The following DNAH2 variants were observed in gnomAD, a reference collection of about 807,000 sequenced individuals.
DNAH2 encodes the protein axonemal beta dynein heavy chain 2.
DNAH2 carries 323 observed loss-of-function variants against 523.5 expected under a neutral mutation model. The observed-to-expected ratio is 0.62, with a 90% CI of 0.56 to 0.68. The LOEUF (loss-of-function observed/expected upper bound fraction) is 0.68, where lower values mean the gene tolerates loss of function less well. Ranked by LOEUF, DNAH2 falls within the 30% of genes least tolerant of loss-of-function variation. The pLI is 0.00. For synonymous variants in DNAH2, 2,093 were observed against 2,177.4 expected (o/e 0.96, Z 1.08); for missense variants, 4,907 against 5,701.5 (o/e 0.86, Z 4.49).
At chr17:7,719,591 G>T in intron 1 of DNAH2, 130 bp from the exon 2 acceptor site, 1 of 1,179,732 alleles carries the variant, frequency 8.5e-7, no homozygotes. Flanking sequence ...AGCAGGGTGT[G>T]GGTACCACCA....
At position 7,794,202 on chromosome 17, in the gene DNAH2, C is replaced by G. The variant is rs373114496; in HGVS notation, c.7570-52C>G. 5 of 1,423,154 alleles carry G rather than the reference C, an allele frequency of 3.5e-6. No individual in the cohort carries two copies. The African/African-American group carries it at 4.4e-5, about 12-fold the overall frequency. 88.2% of individuals were successfully genotyped at this position (1,423,154 alleles called of 1,614,324 possible). On this transcript the variant is annotated intron_variant, in intron 48 of 85. Transcript: ENST00000572933. ...TTTCACCTGGCCTGTGTCGGCGCCTCTCTTGCCCTCTCCCCTCCTGCCTGT... is the reference window on the plus strand; with the variant it reads ...TTTCACCTGGCCTGTGTCGGCGCCTGTCTTGCCCTCTCCCCTCCTGCCTGT...
chr17:7,759,758 C>T, intron 16 of DNAH2, 33 bp from the exon 17 acceptor site: 1 of 1,613,696 alleles, frequency 6.2e-7, no homozygotes, highest in South Asian at 1.1e-5. Flanking sequence ...AGTCCTAAGG[C>T]TTTTCTCTCC....
In DNAH2 at chr17:7,780,242, T is replaced by A; in HGVS notation, c.5808T>A (p.Ile1936=). Residue 1936 remains isoleucine (I), a synonymous_variant, in exon 37 of 86, where the codon ATT becomes ATA. Coordinates refer to ENST00000572933, the MANE Select transcript of DNAH2 (RefSeq NM_020877.5). The surrounding 1 kb of genome is among the most constrained non-coding windows in gnomAD (Gnocchi z 4.4). ...TGGTGGTGCCTGACTCCACCCTCAT[T>A]GCAGAAATCATTCTCTTTGGAGAGG... ...IAMVVPDSTL[I]AEIILFGEGF... is the part of the protein sequence containing the mutation. The A allele has an allele frequency of 6.2e-7, 1 of 1,614,162 alleles. No homozygotes were observed. The highest frequency in any genetic ancestry group is 8.5e-7 in the Non-Finnish European group (1 of 1,180,036).
Position 7,824,129 on chromosome 17 carries a change from G to A in DNAH2, c.11487G>A (p.Glu3829=). Residue 3829 remains glutamate (E), a synonymous_variant, in exon 76 of 86, where the codon GAG becomes GAA. Coordinates refer to ENST00000572933, the MANE Select transcript of DNAH2 (RefSeq NM_020877.5). ...ACCTGTGCTTCTGGCAGGTGCTGGA[G>A]GATTCAACCCCACGATCCCCACTCG... ...PPVLNMKSVL[E]DSTPRSPLVF... 6.4e-7 allele frequency: 1 copy of A among 1,561,670 alleles called. No individual in the cohort carries two copies. The highest frequency in any genetic ancestry group is 8.6e-7 in the Non-Finnish European group (1 of 1,156,306).
intron 18 of DNAH2, among the ~76,000 whole-genome samples, chr17:7,761,999 G>A (rs1156617640): frequency 7.9e-5 from 12 of 152,164 alleles, no homozygotes; most frequent in African/African-American, 2.2e-4. Flanking sequence ...AGTGGTGGCC[G>A]TGGTGTCACG....
chr17:7,820,346 C>T (rs371516117), intron 72 of DNAH2, among the ~76,000 whole-genome samples: 19 of 152,274 alleles, frequency 1.2e-4, no homozygotes, highest in South Asian at 4.1e-4. Context: ...CTGCCCATGC[C>T]GCTTCCCGGG....
chr17:7,777,391 C>G lies in DNAH2; in HGVS notation c.5059-55C>G. 3 of 1,597,674 alleles carry G rather than the reference C, an allele frequency of 1.9e-6. No individual in the cohort carries two copies. The South Asian group carries it at 3.4e-5, about 18-fold the overall frequency. On this transcript the variant is annotated intron_variant, in intron 32 of 85. Transcript: ENST00000572933. ...GTGCTGGGTAGGGGCAAGGGTTGATCAGGCTTTGGCGGCATTGCTCTGTCT... is the reference window on the plus strand; with the variant it reads ...GTGCTGGGTAGGGGCAAGGGTTGATGAGGCTTTGGCGGCATTGCTCTGTCT...
In DNAH2 at chr17:7,763,703, G is replaced by A. The variant is rs150907621; in HGVS notation, c.2979-128G>A. ...AGATTGGAATGAGGGATGCCTGGGA[G>A]TAGAAGAACACTCTAGAACTGCTGC... On this transcript the variant is annotated intron_variant, in intron 18 of 85. Coordinates refer to ENST00000572933, the MANE Select transcript of DNAH2 (RefSeq NM_020877.5). The A allele has an allele frequency of 1.4e-3, 1,536 of 1,063,938 alleles. 8 individuals are homozygous for A. The African/African-American group carries it at 0.017, about 12-fold the overall frequency. The allele number at this position is 1,063,938 out of a possible 1,614,324, so 65.9% of individuals were successfully genotyped here. A position where few individuals can be genotyped will look rare whatever the true frequency, so the allele number is the denominator to read the frequency against.
chr17:7,740,425 G>A lies in DNAH2; in HGVS notation c.1382G>A (p.Arg461His), dbSNP rs760526389. The A allele has an allele frequency of 1.9e-6, 3 of 1,614,028 alleles. No individual in the cohort carries two copies. Among genetic ancestry groups the A allele is most frequent in the South Asian group, 2.2e-5 (2 of 91,086 alleles). Residue 461 changes from arginine to histidine, a missense_variant, in exon 10 of 86, where the codon CGT becomes CAT. Coordinates refer to ENST00000572933, the MANE Select transcript of DNAH2 (RefSeq NM_020877.5). Reference protein sequence around the residue: ...TCWHEDYNKFRAGIKDLEVMT... With the variant: ...TCWHEDYNKFHAGIKDLEVMT... ...ATGCCTCTCCACCGGTGCAGGTTCC[G>A]TGCCGGAATCAAGGACCTGGAGGTG...
Position 7,798,369 on chromosome 17 carries a change from A to G in DNAH2, c.8398+45A>G, listed in dbSNP as rs756595163. 2.5e-6 allele frequency: 4 copies of G among 1,578,114 alleles called. No individual in the cohort carries two copies. Among genetic ancestry groups the G allele is most frequent in the Non-Finnish European group, 3.4e-6 (4 of 1,160,144 alleles). On this transcript the variant is annotated intron_variant, in intron 54 of 85. Transcript: ENST00000572933. This position sits in a 1 kb window ranked among gnomAD's most constrained non-coding sequence, Gnocchi z 5.5. The stretch of plus-strand genomic sequence containing the variant: ...ATGCTAGGAATAAAAGATCAGATGC[A>G]TACATTCCTGCAGTGACAAGAGAGG...
At chr17:7,810,546 G>A (rs562762326) in intron 63 of DNAH2, among the ~76,000 whole-genome samples, 6 of 151,992 alleles carry the variant, frequency 3.9e-5, no homozygotes, top group East Asian at 1.9e-4. Context: ...CTGCCACCAC[G>A]CCCGGCTAAT....
In DNAH2 at chr17:7,793,007, CATT is replaced by C. The variant is rs749510296; in HGVS notation, c.7372_7374del (p.Ile2458del). The C allele has an allele frequency of 6.2e-6, 10 of 1,613,400 alleles. No individual in the cohort carries two copies. Among genetic ancestry groups the C allele is most frequent in the African/African-American group, 1.3e-5 (1 of 75,030 alleles). On this transcript the variant is annotated inframe_deletion, in exon 48 of 86. Transcript: ENST00000572933. Reference sequence around the variant, plus strand: ...CCACATCCAATAACGTGCAGAGCATCATTGAGAGCAGGGTTGAGAAGCGAACCA... The same window carrying C: ...CCACATCCAATAACGTGCAGAGCATCGAGAGCAGGGTTGAGAAGCGAACCA...
intron 3 of DNAH2, 88 bp downstream of exon 3, chr17:7,723,777 T>C: frequency 1.7e-6 from 2 of 1,152,920 alleles, no homozygotes; most frequent in East Asian, 2.4e-5. Flanking sequence ...TGAGGAATTC[T>C]CTCTTGTCTG....
intron 4 of DNAH2, among the ~76,000 whole-genome samples, chr17:7,732,474 A>C (rs983519726): frequency 6.6e-6 from 1 of 151,860 alleles, no homozygotes; most frequent in African/African-American, 2.4e-5. Flanking sequence ...AAGACTAGTC[A>C]AAAAAGCACT....
chr17:7,763,681 T>C (rs1299501434), intron 18 of DNAH2, 150 bp from the exon 19 acceptor site: 1 of 847,974 alleles, frequency 1.2e-6, no homozygotes. Context: ...CTGGGGCAGA[T>C]TGGAATGAGG....
chr17:7,823,496 G>A lies in DNAH2; in HGVS notation c.11197G>A (p.Ala3733Thr). Residue 3733 changes from alanine to threonine, a missense_variant, in exon 74 of 86, where the codon GCC becomes ACC. Ala to Thr is a moderately conservative substitution (Grantham distance 58). Transcript: ENST00000572933. ...DNPCSSWLADAYWDNITELDK... is the reference protein window; with the variant it reads ...DNPCSSWLADTYWDNITELDK... ...TCCATGTAGTAGCTGGCTTGCAGAT[G>A]CCTACTGGGATAACATCACAGAGCT... The A allele has an allele frequency of 6.2e-7, 1 of 1,614,118 alleles. No individual in the cohort carries two copies.
chr17:7,783,786 T>A, intron 39 of DNAH2, among the ~76,000 whole-genome samples: 2 of 146,246 alleles, frequency 1.4e-5, no homozygotes, highest in African/African-American at 5.1e-5. Context: ...GGTGACAGAG[T>A]GAGACCCTGT....
chr17:7,752,288 G>C (rs2075708207), intron 12 of DNAH2, among the ~76,000 whole-genome samples: 1 of 151,264 alleles, frequency 6.6e-6, no homozygotes, highest in Non-Finnish European at 1.5e-5. Context: ...CACAATTTTT[G>C]TATTGAGAAC....
intron 44 of DNAH2, among the ~76,000 whole-genome samples, chr17:7,790,471 C>T (rs1230908744): frequency 6.6e-6 from 1 of 152,242 alleles, no homozygotes; most frequent in African/African-American, 2.4e-5. Flanking sequence ...ATCCTCCTGC[C>T]TCAGCCTCTC....
Sources: allele counts gnomAD v4.1 joint callset (sites outside exome capture counted in the v4.1 genomes callset), GRCh38; gene constraint gnomAD v4.1.1; non-coding constraint Gnocchi (gnomAD v3.1); transcripts MANE v1.5; gene names NCBI Gene and HGNC (gene_info 2026-07-23, HGNC 2026-07-21).